Variants in CENPP observed in about 807,000 individuals in gnomAD.
The protein encoded by CENPP is centromere protein P.
In CENPP, 24 loss-of-function variants were observed where a neutral mutation model predicts 35.6. The ratio of observed to expected loss-of-function variants is 0.67; its 90% CI spans 0.49 to 0.95. CENPP has a LOEUF of 0.95. Among genes scored for constraint, CENPP ranks in the 40% least tolerant of loss-of-function variants. The probability of loss-of-function intolerance (pLI) is 0.00; values close to 1 mark genes in which losing one functional copy is unlikely to be tolerated. For missense variants in CENPP, 332 were observed against 345.3 expected (o/e 0.96, Z 0.31); for synonymous variants, 120 against 125.5 (o/e 0.96, Z 0.29).
rs1843554015 is a variant in CENPP at position 92,415,216 on chromosome 9, T to C, written c.564+35357T>C. ...TTCTGCTCCTTCTTGTTCTGGGCTC[T>C]CATGAGCATTGTCAGGATCATCGTG... is the stretch of plus-strand genomic sequence containing the variant. On this transcript the variant is annotated intron_variant, in intron 5 of 7. Coordinates refer to ENST00000375587, the MANE Select transcript of CENPP (RefSeq NM_001012267.3). The C allele has an allele frequency of 8.7e-6, 14 of 1,613,852 alleles. No individual in the cohort carries two copies. Among genetic ancestry groups the C allele is most frequent in the Admixed American group, 3.3e-5 (2 of 60,000 alleles).
At chr9:92,550,107 G>C (rs1250961482) in intron 5 of CENPP, among the ~76,000 whole-genome samples, 1 of 152,168 alleles carries the variant, frequency 6.6e-6, no homozygotes, top group Non-Finnish European at 1.5e-5. Flanking sequence ...TGAACAAATG[G>C]TGTCATTGGG....
intron 4 of CENPP, among the ~76,000 whole-genome samples, chr9:92,360,281 C>T (rs568974947): frequency 6.6e-6 from 1 of 152,222 alleles, no homozygotes; most frequent in South Asian, 2.1e-4. Context: ...GTCCTATAAC[C>T]ACATGGATCA....
Position 92,613,388 on chromosome 9 carries a change from C to G in CENPP, c.*239C>G. The G allele has an allele frequency of 2.3e-6, 1 of 443,112 alleles. No homozygotes were observed. The highest frequency in any genetic ancestry group is 4.1e-6 in the Non-Finnish European group (1 of 242,350). 27.4% of individuals were successfully genotyped at this position (443,112 alleles called of 1,614,324 possible). Reference sequence around the variant, plus strand: ...TGGTTTATAAAAATAAGCTTAACATCTGAGAAAATGTACCAAGTGGTTGTG... The same window carrying G: ...TGGTTTATAAAAATAAGCTTAACATGTGAGAAAATGTACCAAGTGGTTGTG... On this transcript the variant is annotated 3_prime_UTR_variant, in exon 8 of 8. Transcript: ENST00000375587.
intron 5 of CENPP, chr9:92,509,829 TA>T: frequency 6.8e-7 from 1 of 1,460,098 alleles, no homozygotes. Flanking sequence ...ATACAGTAAA[TA>T]AAATTTCTAC....
chr9:92,481,707 T>C (rs1240210949), intron 5 of CENPP, among the ~76,000 whole-genome samples: 6 of 152,196 alleles, frequency 3.9e-5, no homozygotes, highest in Non-Finnish European at 8.8e-5. Flanking sequence ...CTATTGCTGA[T>C]AAGTATTCTT....
intron 5 of CENPP, among the ~76,000 whole-genome samples, chr9:92,412,504 T>G (rs2130950110): frequency 6.6e-6 from 1 of 151,954 alleles, no homozygotes; most frequent in Non-Finnish European, 1.5e-5. Context: ...TAGCAGTTAC[T>G]TCTCACTTTC....
intron 5 of CENPP, chr9:92,466,542 C>T (rs763940804): frequency 1.2e-5 from 20 of 1,613,864 alleles, no homozygotes; most frequent in Middle Eastern, 3.3e-4. Context: ...GGTGAATCTT[C>T]GTTAGCTTGT....
At chr9:92,610,645 T>C (rs1228054764) in intron 5 of CENPP, 1 of 152,278 alleles carries the variant, frequency 6.6e-6, no homozygotes, top group Non-Finnish European at 1.5e-5. Flanking sequence ...AGGAGGCTTT[T>C]GACCATAAAA....
chr9:92,567,201 C>T (rs999357251), intron 5 of CENPP, among the ~76,000 whole-genome samples: 4 of 151,818 alleles, frequency 2.6e-5, no homozygotes, highest in South Asian at 2.1e-4. Context: ...CTCAAAACAA[C>T]GTGAAGAAAT....
At chr9:92,442,091 A>T (rs1373575386) in intron 5 of CENPP, among the ~76,000 whole-genome samples, 1 of 152,074 alleles carries the variant, frequency 6.6e-6, no homozygotes, top group East Asian at 1.9e-4. Context: ...ATTATAAGTT[A>T]AAATTTAGAT....
chr9:92,372,795 A>G lies in CENPP; in HGVS notation c.468-6968A>G, dbSNP rs574745093. Among the ~76,000 whole-genome samples the G allele has an allele frequency of 4.0e-5, 6 of 151,008 alleles. No individual in the cohort carries two copies. In the East Asian group the frequency reaches 1.2e-3, roughly 29 times the overall value. On this transcript the variant is annotated intron_variant, in intron 4 of 7. Coordinates refer to ENST00000375587, the MANE Select transcript of CENPP (RefSeq NM_001012267.3). ...GTTTTCTCCTGAGAAATCCACTGTTAGTCTGATTGAGGTTTTTTCTTTTTC... is the reference window on the plus strand; with the variant it reads ...GTTTTCTCCTGAGAAATCCACTGTTGGTCTGATTGAGGTTTTTTCTTTTTC...
intron 5 of CENPP, among the ~76,000 whole-genome samples, chr9:92,390,587 T>TGTGTGTGCGC (rs749697394): frequency 7.1e-6 from 1 of 141,814 alleles, no homozygotes. Flanking sequence ...TGTGTGTGTG[T>TGTGTGTGCGC]GCGCGCGCGC....
At chr9:92,460,689 T>C (rs1212832109) in intron 5 of CENPP, 3 of 607,084 alleles carry the variant, frequency 4.9e-6, no homozygotes, top group East Asian at 5.7e-5. Flanking sequence ...CTCTTTTTTT[T>C]CTTTGAGACA....
intron 5 of CENPP, chr9:92,522,676 AC>A: frequency 6.2e-7 from 1 of 1,614,140 alleles, no homozygotes; most frequent in Non-Finnish European, 8.5e-7. Context: ...AAGTCTTGCT[AC>A]TGGTGTAAAA....
At chr9:92,448,799 C>T (rs1344713692) in intron 5 of CENPP, among the ~76,000 whole-genome samples, 2 of 152,150 alleles carry the variant, frequency 1.3e-5, no homozygotes, top group Non-Finnish European at 1.5e-5. Flanking sequence ...TTAGCAGAAT[C>T]GGGCTCCTCT....
chr9:92,532,879 G>A (rs1848883587), intron 5 of CENPP, among the ~76,000 whole-genome samples: 1 of 152,066 alleles, frequency 6.6e-6, no homozygotes, highest in African/African-American at 2.4e-5. Context: ...GATGACCTTT[G>A]ATGGAGTGCC....
chr9:92,601,667 G>T (rs1047075704), intron 5 of CENPP, among the ~76,000 whole-genome samples: 4 of 152,206 alleles, frequency 2.6e-5, no homozygotes, highest in Admixed American at 2.6e-4. Flanking sequence ...CACGCTCCAT[G>T]TGCCCACAGA....
intron 5 of CENPP, chr9:92,502,375 C>CT (rs1846731371): frequency 9.1e-7 from 1 of 1,093,522 alleles, no homozygotes; most frequent in African/African-American, 1.6e-5. Context: ...TAAGGGTTCA[C>CT]TAAGAAACGA....
intron 5 of CENPP, among the ~76,000 whole-genome samples, chr9:92,497,027 G>C (rs1846386387): frequency 6.6e-6 from 1 of 151,508 alleles, no homozygotes; most frequent in South Asian, 2.1e-4. Flanking sequence ...AATGCAAAAT[G>C]GTGCGCCACC....
Sources: allele counts gnomAD v4.1 joint callset (sites outside exome capture counted in the v4.1 genomes callset), GRCh38; gene constraint gnomAD v4.1.1; transcripts MANE v1.5; gene names NCBI Gene and HGNC (gene_info 2026-07-23, HGNC 2026-07-21).